Variants in CRELD1 observed in about 807,000 individuals in gnomAD.
CRELD1 encodes protein disulfide isomerase CRELD1.
Under a neutral mutation model 58.2 loss-of-function variants are expected in CRELD1, and 42 were observed. The observed-to-expected ratio is 0.72, with a 90% CI of 0.56 to 0.93. The LOEUF is 0.93. Ranked by LOEUF, CRELD1 falls within the 40% of genes least tolerant of loss-of-function variation. CRELD1 has a pLI of 0.00. For missense variants in CRELD1, 500 were observed against 540.6 expected, an observed-to-expected ratio of 0.92 and a Z score of 0.74; for synonymous variants, 222 against 202.0, an observed-to-expected ratio of 1.10 and a Z score of -0.84.
In CRELD1 at chr3:9,941,518, C is replaced by T. The variant is rs561311831; in HGVS notation, c.733+312C>T. On this transcript the variant is annotated intron_variant, in intron 7 of 10. Transcript: ENST00000452070. The stretch of plus-strand genomic sequence containing the variant: ...TAAAAATTGAGGAAGGGGCTGGGCG[C>T]GGTGGCTCACGCCTGTAATCCCAGC... Among the ~76,000 whole-genome samples, 8 of 152,162 alleles carry T rather than the reference C, an allele frequency of 5.3e-5. No homozygotes were observed. In the South Asian group the frequency reaches 6.2e-4, roughly 12 times the overall value.
intron 3 of CRELD1, 103 bp from the exon 4 acceptor site, chr3:9,937,459 T>C (rs763508558): frequency 5.0e-6 from 4 of 792,344 alleles, no homozygotes; most frequent in South Asian, 1.5e-5. Flanking sequence ...TCATGGCCTC[T>C]CCTTTGATAT....
chr3:9,943,867 T>C (rs1559339205), intron 10 of CRELD1: 6 of 1,613,884 alleles, frequency 3.7e-6, no homozygotes, highest in East Asian at 2.2e-5. Flanking sequence ...CAGGGACCAT[T>C]TCCCCAGCAA....
Position 9,938,050 on chromosome 3 carries a change from G to A in CRELD1, c.404G>A (p.Cys135Tyr). Residue 135 changes from cysteine to tyrosine, a missense_variant, in exon 5 of 11, where the codon TGC becomes TAC. Cys to Tyr is a radical substitution (Grantham distance 194). Coordinates refer to ENST00000452070, the MANE Select transcript of CRELD1 (RefSeq NM_001077415.3). ...QEAPDLFQWLCSDSLKLCCPA... is the reference protein window; with the variant it reads ...QEAPDLFQWLYSDSLKLCCPA... ...GCCCCGGACCTCTTCCAGTGGCTGT[G>A]CTCAGATTCCCTGAAGCTCTGCTGC... 1 of 1,614,044 alleles carries A rather than the reference G, an allele frequency of 6.2e-7. No individual in the cohort carries two copies. Among genetic ancestry groups the A allele is most frequent in the Non-Finnish European group, 8.5e-7 (1 of 1,180,024 alleles).
chr3:9,942,038 G>A (rs1347074911), intron 7 of CRELD1, among the ~76,000 whole-genome samples: 1 of 152,108 alleles, frequency 6.6e-6, no homozygotes, highest in Non-Finnish European at 1.5e-5. Flanking sequence ...AGAGGCTGAA[G>A]TGGGGTGGAT....
In CRELD1 at chr3:9,944,871, C is replaced by T. The variant is rs78244930; in HGVS notation, c.*292C>T. 1.1e-3 allele frequency: 498 copies of T among 450,252 alleles called. 6 individuals are homozygous for T. The East Asian group carries it at 0.021, about 19-fold the overall frequency. The allele number at this position is 450,252 out of a possible 1,614,324, so 27.9% of individuals were successfully genotyped here. On this transcript the variant is annotated 3_prime_UTR_variant, in exon 11 of 11. Coordinates refer to ENST00000452070, the MANE Select transcript of CRELD1 (RefSeq NM_001077415.3). ...AATGGTGGCTGCTAGAGCTTTGGCC[C>T]CTGCTTAGGATTAGGTGGTCCTCAC...
chr3:9,943,540 A>C, intron 10 of CRELD1, 25 bp downstream of exon 10: 1 of 1,613,698 alleles, frequency 6.2e-7, no homozygotes, highest in Non-Finnish European at 8.5e-7. Context: ...GGGAGAGGGG[A>C]GGTCCTCATT....
intron 6 of CRELD1, 33 bp from the exon 7 acceptor site, chr3:9,941,077 CT>C (rs1476309460): frequency 6.2e-7 from 1 of 1,613,824 alleles, no homozygotes; most frequent in Admixed American, 1.7e-5. Flanking sequence ...GGGCACCTGC[CT>C]GCCCATCCTC....
At chr3:9,939,641 G>C (rs2085291305) in intron 5 of CRELD1, among the ~76,000 whole-genome samples, 1 of 152,162 alleles carries the variant, frequency 6.6e-6, no homozygotes, top group African/African-American at 2.4e-5. Flanking sequence ...GAGAGCACAG[G>C]GTTGGGGATA....
At chr3:9,936,600 A>T (rs998497396) in intron 3 of CRELD1, among the ~76,000 whole-genome samples, 1 of 151,926 alleles carries the variant, frequency 6.6e-6, no homozygotes, top group Non-Finnish European at 1.5e-5. Flanking sequence ...CACATAAAAA[A>T]TTTCCCATTA....
chr3:9,938,076 C>G lies in CRELD1; in HGVS notation c.430C>G (p.Pro144Ala), dbSNP rs1456816694. The change falls in exon 5 of 11, where the codon CCC becomes GCC. Residue 144 changes from proline (P) to alanine (A), a missense_variant. Coordinates refer to ENST00000452070, the MANE Select transcript of CRELD1 (RefSeq NM_001077415.3). Reference protein sequence around the residue: ...LCSDSLKLCCPAGTFGPSCLP... With the variant: ...LCSDSLKLCCAAGTFGPSCLP... ...CTCAGATTCCCTGAAGCTCTGCTGC[C>G]CCGCAGGCACCTTCGGGCCCTCCTG... The G allele has an allele frequency of 6.2e-7, 1 of 1,613,984 alleles. No homozygotes were observed. The highest frequency in any genetic ancestry group is 8.5e-7 in the Non-Finnish European group (1 of 1,180,012).
At chr3:9,942,575 T>G (rs974262185) in intron 7 of CRELD1, among the ~76,000 whole-genome samples, 3 of 152,100 alleles carry the variant, frequency 2.0e-5, no homozygotes, top group Non-Finnish European at 2.9e-5. Context: ...ATCACTCCTG[T>G]TTACATCCTG....
At chr3:9,944,192 G>C in intron 10 of CRELD1, 173 bp from the exon 11 acceptor site, 3 of 794,944 alleles carry the variant, frequency 3.8e-6, no homozygotes, top group Non-Finnish European at 6.9e-6. Flanking sequence ...TAGTGAGACA[G>C]GGATGGTAAC....
Position 9,944,486 on chromosome 3 carries a change from C to T in CRELD1, c.1170C>T (p.Thr390=), listed in dbSNP as rs373153253. Residue 390 remains threonine (T), a synonymous_variant, in exon 11 of 11, where the codon ACC becomes ACT. Transcript: ENST00000452070. ...CTGCTAAGGGCGACTTGGTGTTCAC[C>T]GCCATCTTCATTGGGGCTGTGGCGG... The part of the protein sequence containing the change: ...TLAAKGDLVF[T]AIFIGAVAAM... The T allele has an allele frequency of 4.3e-6, 7 of 1,613,198 alleles. No individual in the cohort carries two copies. The highest frequency in any genetic ancestry group is 3.3e-5 in the South Asian group (3 of 91,040).
chr3:9,938,166 C>T, intron 5 of CRELD1, 60 bp downstream of exon 5: 3 of 1,301,628 alleles, frequency 2.3e-6, no homozygotes, highest in South Asian at 2.4e-5. Flanking sequence ...GGATCCAGTC[C>T]TGGCTCTGTC....
chr3:9,942,715 A>T, intron 7 of CRELD1, 98 bp from the exon 8 acceptor site: 1 of 938,008 alleles, frequency 1.1e-6, no homozygotes, highest in Non-Finnish European at 1.8e-6. Context: ...TCTCTGCCAT[A>T]CCATTTAATC....
chr3:9,944,990 T>A lies in CRELD1; in HGVS notation c.*411T>A, dbSNP rs2085479619. ...ATCCCCACACCCCATTGCCACTTATTTATTCATCTCAGGAAATAAAGAAAG... is the reference window on the plus strand; with the variant it reads ...ATCCCCACACCCCATTGCCACTTATATATTCATCTCAGGAAATAAAGAAAG... On this transcript the variant is annotated 3_prime_UTR_variant, in exon 11 of 11. Coordinates refer to ENST00000452070, the MANE Select transcript of CRELD1 (RefSeq NM_001077415.3). 1 of 261,860 alleles carries A rather than the reference T, an allele frequency of 3.8e-6. No homozygotes were observed. The highest frequency in any genetic ancestry group is 2.2e-5 in the African/African-American group (1 of 45,710). 16.2% of individuals were successfully genotyped at this position (261,860 alleles called of 1,614,324 possible). A position where few individuals can be genotyped will look rare whatever the true frequency, so the allele number is the denominator to read the frequency against.
intron 5 of CRELD1, among the ~76,000 whole-genome samples, chr3:9,939,942 G>T (rs957129918): frequency 6.6e-6 from 1 of 151,914 alleles, no homozygotes; most frequent in East Asian, 2.0e-4. Context: ...CCCGGACGGG[G>T]CGGCTGGCCG....
intron 7 of CRELD1, among the ~76,000 whole-genome samples, chr3:9,941,707 A>C (rs1033447499): frequency 1.4e-5 from 2 of 144,706 alleles, no homozygotes; most frequent in African/African-American, 5.1e-5. Context: ...GGAGAAGGGC[A>C]TGAACCTGGG....
rs1002124262 is a variant in CRELD1 at position 9,938,102 on chromosome 3, C to T, written c.456C>T (p.Cys152=). ...CCGCAGGCACCTTCGGGCCCTCCTG[C>T]CTTCGTGAGTTTTTAAGTTGCTCTT... The part of the protein sequence containing the change: ...CCPAGTFGPS[C]LPCPGGTERP... Residue 152 remains cysteine (C), a synonymous_variant, in exon 5 of 11, where the codon TGC becomes TGT. Transcript: ENST00000452070. The T allele has an allele frequency of 3.7e-6, 6 of 1,612,902 alleles. No individual in the cohort carries two copies. Among genetic ancestry groups the T allele is most frequent in the Non-Finnish European group, 5.1e-6 (6 of 1,179,496 alleles).
Sources: gnomAD v4.1 joint callset for allele counts (sites outside exome capture counted in the v4.1 genomes callset) on GRCh38, gnomAD v4.1.1 for gene constraint, MANE v1.5 for transcripts, NCBI Gene and HGNC (gene_info 2026-07-23, HGNC 2026-07-21) for gene names.